ELAPOR2: variants seen among roughly 807,000 people sequenced by gnomAD.
ELAPOR2 encodes the protein endosome/lysosome-associated apoptosis and autophagy regulator family member 2.
In ELAPOR2, 89 loss-of-function variants were observed where a neutral mutation model predicts 120.7. That is an observed-to-expected ratio of 0.74 (90% CI 0.62 to 0.88). The LOEUF (loss-of-function observed/expected upper bound fraction) is 0.88, where lower values mean the gene tolerates loss of function less well. Ranked by LOEUF, ELAPOR2 falls within the 40% of genes least tolerant of loss-of-function variation. The pLI is 0.00. For missense variants in ELAPOR2, 1,134 were observed against 1,251.6 expected, an observed-to-expected ratio of 0.91 and a Z score of 1.42; for synonymous variants, 444 against 444.9, an observed-to-expected ratio of 1.00 and a Z score of 0.03.
intron 1 of ELAPOR2, among the ~76,000 whole-genome samples, chr7:87,047,007 A>G (rs1794976562): frequency 6.6e-6 from 1 of 152,240 alleles, no homozygotes; most frequent in Admixed American, 6.5e-5. Context: ...CAATGGGAAC[A>G]GAATAGAGAA....
intron 4 of ELAPOR2, among the ~76,000 whole-genome samples, chr7:86,942,704 A>G (rs1397732116): frequency 6.6e-6 from 1 of 152,038 alleles, no homozygotes; most frequent in Non-Finnish European, 1.5e-5. Flanking sequence ...AACACCAAAC[A>G]CCTTTTGCTT....
At chr7:86,884,531 C>G (rs1799597062) in intron 21 of ELAPOR2, among the ~76,000 whole-genome samples, 1 of 152,166 alleles carries the variant, frequency 6.6e-6, no homozygotes, top group South Asian at 2.1e-4. Flanking sequence ...CATAGGCTGG[C>G]TCTGCAGAGC....
Position 86,993,234 on chromosome 7 carries a change from C to CAAAAAA in ELAPOR2, c.190-28216_190-28211dup, listed in dbSNP as rs1159917841. On this transcript the variant is annotated intron_variant, in intron 1 of 21. Coordinates refer to ENST00000450689, the MANE Select transcript of ELAPOR2 (RefSeq NM_001142749.3). ...CTGATGACAGAGCGAGACTCCATCTCAAAAAAAAAAAAAAAAGAAAAAGAA... is the reference window on the plus strand; with the variant it reads ...CTGATGACAGAGCGAGACTCCATCTCAAAAAAAAAAAAAAAAAAAAAAGAAAAAGAA... Among the ~76,000 whole-genome samples the CAAAAAA allele has an allele frequency of 8.0e-3, 453 of 56,950 alleles. 11 individuals are homozygous for CAAAAAA. Among genetic ancestry groups the CAAAAAA allele is most frequent in the African/African-American group, 0.024 (419 of 17,222 alleles). 37.4% of individuals were successfully genotyped at this position (56,950 alleles called of 152,430 possible). A position where few individuals can be genotyped will look rare whatever the true frequency, so the allele number is the denominator to read the frequency against.
chr7:87,046,637 C>T (rs1006673981), intron 1 of ELAPOR2, among the ~76,000 whole-genome samples: 1 of 152,116 alleles, frequency 6.6e-6, no homozygotes, highest in Non-Finnish European at 1.5e-5. Context: ...ACCCCATTCT[C>T]GTGATAGTGA....
intron 1 of ELAPOR2, among the ~76,000 whole-genome samples, chr7:87,022,648 C>T (rs1386236500): frequency 1.3e-5 from 2 of 151,790 alleles, no homozygotes; most frequent in Non-Finnish European, 2.9e-5. Flanking sequence ...CCTGAGGAAT[C>T]GCCACACTGA....
At chr7:86,903,495 T>C (rs1412934520) in intron 18 of ELAPOR2, among the ~76,000 whole-genome samples, 2 of 152,230 alleles carry the variant, frequency 1.3e-5, no homozygotes, top group African/African-American at 4.8e-5. Flanking sequence ...CATCCTTCCA[T>C]GTCTCTTAAG....
chr7:86,935,918 C>A (rs567172830), intron 8 of ELAPOR2, among the ~76,000 whole-genome samples: 1 of 151,956 alleles, frequency 6.6e-6, no homozygotes, highest in East Asian at 1.9e-4. Context: ...GAAAAACTTC[C>A]CCCACAGGCA....
chr7:86,899,813 G>A (rs994962968), intron 18 of ELAPOR2, among the ~76,000 whole-genome samples: 1 of 151,882 alleles, frequency 6.6e-6, no homozygotes, highest in Non-Finnish European at 1.5e-5. Context: ...GTGACTCTGG[G>A]GAAAATGGTT....
chr7:87,031,304 A>C (rs1794417331), intron 1 of ELAPOR2, among the ~76,000 whole-genome samples: 1 of 152,244 alleles, frequency 6.6e-6, no homozygotes, highest in Non-Finnish European at 1.5e-5. Context: ...TTGTTCATCC[A>C]ACTGAACACA....
chr7:86,889,295 C>A (rs1377076566), intron 21 of ELAPOR2, among the ~76,000 whole-genome samples: 2 of 151,890 alleles, frequency 1.3e-5, no homozygotes, highest in Admixed American at 6.6e-5. Context: ...TTGCCATGAC[C>A]CTAGATCAAA....
chr7:86,987,415 C>T (rs1043853168), intron 1 of ELAPOR2, among the ~76,000 whole-genome samples: 1 of 152,164 alleles, frequency 6.6e-6, no homozygotes, highest in Non-Finnish European at 1.5e-5. Context: ...AGGCACCCTA[C>T]AGACTGGGAG....
intron 8 of ELAPOR2, among the ~76,000 whole-genome samples, chr7:86,934,548 A>G (rs1790480322): frequency 6.6e-6 from 1 of 151,912 alleles, no homozygotes; most frequent in East Asian, 1.9e-4. Flanking sequence ...CAAATACTCT[A>G]TGGCAGTAAC....
At chr7:87,009,029 T>A (rs1486223135) in intron 1 of ELAPOR2, among the ~76,000 whole-genome samples, 1 of 152,212 alleles carries the variant, frequency 6.6e-6, no homozygotes, top group Non-Finnish European at 1.5e-5. Context: ...AGAACATACC[T>A]GAATTCACTG....
At chr7:86,986,670 C>T (rs1180454646) in intron 1 of ELAPOR2, among the ~76,000 whole-genome samples, 1 of 150,554 alleles carries the variant, frequency 6.6e-6, no homozygotes, top group Admixed American at 6.6e-5. Context: ...AGGAGAACTA[C>T]AAACCACTGC....
intron 3 of ELAPOR2, 58 bp from the exon 4 acceptor site, chr7:86,945,104 A>G (rs1790947225): frequency 6.9e-7 from 1 of 1,457,380 alleles, no homozygotes; most frequent in Non-Finnish European, 9.3e-7. Flanking sequence ...TCTTCTATTC[A>G]CAAAACTATG....
intron 1 of ELAPOR2, among the ~76,000 whole-genome samples, chr7:87,001,024 T>TA (rs1226771397): frequency 6.6e-6 from 1 of 152,170 alleles, no homozygotes; most frequent in Non-Finnish European, 1.5e-5. Context: ...GTATCAGGGA[T>TA]AATACTGCAT....
chr7:86,912,010 A>C lies in ELAPOR2; in HGVS notation c.2169+62T>G. ...AGAATTTATTGGTCCATTAACACAG[A>C]AAATATCAACTTGATCGGAGCTGAA... is the stretch of plus-strand genomic sequence containing the variant. On this transcript the variant is annotated intron_variant, in intron 15 of 21. Transcript: ENST00000450689. The C allele has an allele frequency of 4.7e-6, 7 of 1,496,590 alleles. No homozygotes were observed. The South Asian group carries it at 7.3e-5, about 16-fold the overall frequency. 92.7% of individuals were successfully genotyped at this position (1,496,590 alleles called of 1,614,324 possible).
chr7:87,016,700 G>C (rs993648847), intron 1 of ELAPOR2, among the ~76,000 whole-genome samples: 1 of 150,094 alleles, frequency 6.7e-6, no homozygotes, highest in Non-Finnish European at 1.5e-5. Context: ...TAACATAACT[G>C]TAATGAACCA....
intron 13 of ELAPOR2, 52 bp from the exon 14 acceptor site, chr7:86,913,256 A>C (rs1297001859): frequency 2.5e-6 from 4 of 1,570,582 alleles, no homozygotes; most frequent in Middle Eastern, 2.1e-4. Flanking sequence ...TTAGTTGTAC[A>C]ACCAGATTAT....
Sources: allele counts gnomAD v4.1 joint callset (sites outside exome capture counted in the v4.1 genomes callset), GRCh38; gene constraint gnomAD v4.1.1; transcripts MANE v1.5; gene names NCBI Gene and HGNC (gene_info 2026-07-23, HGNC 2026-07-21).